BATF: variants seen among roughly 807,000 people sequenced by gnomAD.
The protein encoded by BATF is basic leucine zipper transcriptional factor ATF-like.
In BATF, 5 loss-of-function variants were observed where a neutral mutation model predicts 13.7. The observed-to-expected ratio is 0.36, with a 90% CI of 0.19 to 0.77. The LOEUF (loss-of-function observed/expected upper bound fraction) is 0.77, where lower values mean the gene tolerates loss of function less well. Ranked by LOEUF, BATF falls within the 30% of genes least tolerant of loss-of-function variation. BATF has a pLI of 0.51. For synonymous variants in BATF, 72 were observed against 67.5 expected (o/e 1.07, Z -0.33); for missense variants, 124 against 163.0 (o/e 0.76, Z 1.30).
chr14:75,542,540 G>A (rs567509264), intron 2 of BATF, among the ~76,000 whole-genome samples: 25 of 152,362 alleles, frequency 1.6e-4, no homozygotes, highest in Admixed American at 4.6e-4. Flanking sequence ...TCAGCTGGGC[G>A]AGCCCTTTCC....
At chr14:75,536,763 G>A (rs374981634) in intron 2 of BATF, among the ~76,000 whole-genome samples, 2 of 20,110 alleles carry the variant, frequency 9.9e-5, no homozygotes, top group Non-Finnish European at 3.0e-4. Context: ...TAAAATAAAG[G>A]CAATTGTGCT....
chr14:75,525,232 T>C (rs1180554589), intron 2 of BATF, 44 bp downstream of exon 2: 2 of 1,572,342 alleles, frequency 1.3e-6, no homozygotes, highest in Non-Finnish European at 1.7e-6. Context: ...CTTTAGGCTT[T>C]GCCCTCCGCC....
chr14:75,541,739 C>A (rs1179937959), intron 2 of BATF, among the ~76,000 whole-genome samples: 2 of 152,232 alleles, frequency 1.3e-5, no homozygotes, highest in African/African-American at 4.8e-5. Flanking sequence ...TCTTGGCTCA[C>A]TGCAACTTCT....
chr14:75,535,988 G>A (rs1311620770), intron 2 of BATF, among the ~76,000 whole-genome samples: 1 of 152,220 alleles, frequency 6.6e-6, no homozygotes, highest in Non-Finnish European at 1.5e-5. Context: ...CTAGAGCTGA[G>A]ATCAGCGGAA....
intron 2 of BATF, among the ~76,000 whole-genome samples, chr14:75,530,983 T>A (rs2140036709): frequency 6.6e-6 from 1 of 152,366 alleles, no homozygotes; most frequent in South Asian, 2.1e-4. Flanking sequence ...TTATACAGTT[T>A]GGGATTTTTT....
In BATF at chr14:75,546,438, C is replaced by G. The variant is rs768583522; in HGVS notation, c.169-24C>G. On this transcript the variant is annotated intron_variant, in intron 2 of 2. Coordinates refer to ENST00000286639, the MANE Select transcript of BATF (RefSeq NM_006399.5). The stretch of plus-strand genomic sequence containing the variant: ...TGCCTCCTTCCTAGACACTAACCTC[C>G]GGTGCTGATCCCCACCCCTACAGGA... 7 of 1,612,800 alleles carry G rather than the reference C, an allele frequency of 4.3e-6. No individual in the cohort carries two copies. In the Admixed American group the frequency reaches 5.0e-5, roughly 12 times the overall value.
At chr14:75,533,427 CAAAA>C (rs888084841) in intron 2 of BATF, among the ~76,000 whole-genome samples, 4 of 63,922 alleles carry the variant, frequency 6.3e-5, no homozygotes, top group Admixed American at 3.3e-4. Context: ...GACTCCGTCT[CAAAA>C]AAAAAAAAAA....
At chr14:75,545,253 G>A (rs1052011634) in intron 2 of BATF, among the ~76,000 whole-genome samples, 6 of 151,842 alleles carry the variant, frequency 4.0e-5, no homozygotes, top group African/African-American at 1.5e-4. Context: ...ATGGAGTCTT[G>A]CTTTGTCACC....
chr14:75,522,563 A>G lies in BATF; in HGVS notation c.-120A>G. 9.2e-7 allele frequency: 1 copy of G among 1,087,914 alleles called. No individual in the cohort carries two copies. The highest frequency in any genetic ancestry group is 1.4e-6 in the Non-Finnish European group (1 of 720,680). The allele number at this position is 1,087,914 out of a possible 1,614,324, so 67.4% of individuals were successfully genotyped here. ...GAGGTGGCTACAGGGCAGGCAGAGG[A>G]GGCACCTGTAGGGGGTGGTGGGCTG... On this transcript the variant is annotated 5_prime_UTR_variant, in exon 1 of 3. Coordinates refer to ENST00000286639, the MANE Select transcript of BATF (RefSeq NM_006399.5).
At chr14:75,539,511 G>A (rs774221997) in intron 2 of BATF, among the ~76,000 whole-genome samples, 4 of 145,276 alleles carry the variant, frequency 2.8e-5, no homozygotes, top group South Asian at 2.2e-4. Context: ...TGGGATGGAC[G>A]CTGAATGAAC....
chr14:75,531,375 C>T (rs1389228775), intron 2 of BATF, among the ~76,000 whole-genome samples: 3 of 152,166 alleles, frequency 2.0e-5, no homozygotes, highest in African/African-American at 7.2e-5. Context: ...AATTAAGAAG[C>T]TTTATTCATG....
chr14:75,538,826 G>A (rs1389040898), intron 2 of BATF, among the ~76,000 whole-genome samples: 3 of 152,164 alleles, frequency 2.0e-5, no homozygotes, highest in South Asian at 2.1e-4. Context: ...GCATGAACCC[G>A]GGAGGCGGAG....
chr14:75,522,636 C>G lies in BATF; in HGVS notation c.-47C>G. The G allele has an allele frequency of 6.2e-7, 1 of 1,611,728 alleles. No individual in the cohort carries two copies. The highest frequency in any genetic ancestry group is 8.5e-7 in the Non-Finnish European group (1 of 1,177,938). On this transcript the variant is annotated 5_prime_UTR_variant, in exon 1 of 3. Transcript: ENST00000286639. ...GGGAGCCCAGCTGGTGACAAGAGAG[C>G]CCAGAGGTGCCTGGGGCTGAGTGTG...
chr14:75,527,968 A>C (rs148741020), intron 2 of BATF, among the ~76,000 whole-genome samples: 1 of 152,338 alleles, frequency 6.6e-6, no homozygotes, highest in African/African-American at 2.4e-5. Flanking sequence ...TCTGCCCTAC[A>C]TCAAATTAGC....
At chr14:75,539,156 A>G (rs1887860213) in intron 2 of BATF, among the ~76,000 whole-genome samples, 1 of 152,248 alleles carries the variant, frequency 6.6e-6, no homozygotes, top group Non-Finnish European at 1.5e-5. Context: ...AGGCTACAGC[A>G]AGGAAGAACC....
intron 2 of BATF, 149 bp downstream of exon 2, chr14:75,525,337 A>G (rs1291923804): frequency 2.6e-6 from 2 of 769,102 alleles, no homozygotes; most frequent in Non-Finnish European, 4.2e-6. Flanking sequence ...GGGGTGAGGT[A>G]GGGAAGGGAA....
At chr14:75,536,655 C>T (rs1033745306) in intron 2 of BATF, among the ~76,000 whole-genome samples, 22 of 151,268 alleles carry the variant, frequency 1.5e-4, no homozygotes, top group Non-Finnish European at 2.8e-4. Flanking sequence ...TCCAAGAGGT[C>T]GAGGTTGCAG....
At chr14:75,542,289 G>A (rs181960681) in intron 2 of BATF, among the ~76,000 whole-genome samples, 27 of 152,344 alleles carry the variant, frequency 1.8e-4, no homozygotes, top group African/African-American at 6.3e-4. Flanking sequence ...CACACAGAGC[G>A]TTATTGTGAG....
chr14:75,528,534 C>T (rs567914313), intron 2 of BATF, among the ~76,000 whole-genome samples: 3 of 152,290 alleles, frequency 2.0e-5, no homozygotes, highest in African/African-American at 7.2e-5. Context: ...TAAAATGGAT[C>T]GGTGATTCCT....
Sources: allele counts gnomAD v4.1 joint callset (sites outside exome capture counted in the v4.1 genomes callset), GRCh38; gene constraint gnomAD v4.1.1; transcripts MANE v1.5; gene names NCBI Gene and HGNC (gene_info 2026-07-23, HGNC 2026-07-21).